Variants in PCCA observed in about 807,000 individuals in gnomAD.
PCCA encodes the protein propionyl-CoA carboxylase alpha chain, mitochondrial.
PCCA carries 74 observed loss-of-function variants against 101.3 expected under a neutral mutation model. The ratio of observed to expected loss-of-function variants is 0.73; its 90% CI spans 0.61 to 0.89. The LOEUF is 0.89. Among genes scored for constraint, PCCA ranks in the 40% least tolerant of loss-of-function variants. The pLI is 0.00. For missense variants in PCCA, 891 were observed against 907.0 expected (o/e 0.98, Z 0.23); for synonymous variants, 294 against 313.6 (o/e 0.94, Z 0.66).
At chr13:100,460,218 G>T (rs990838155) in intron 21 of PCCA, among the ~76,000 whole-genome samples, 2 of 152,154 alleles carry the variant, frequency 1.3e-5, no homozygotes, top group African/African-American at 2.4e-5. Context: ...CAAAGAAATC[G>T]AAGAGAGCTG....
In PCCA at chr13:100,307,174, T is replaced by C. The variant is rs2066516460; in HGVS notation, c.1285-18T>C. The C allele has an allele frequency of 6.3e-7, 1 of 1,590,740 alleles. No homozygotes were observed. The highest frequency in any genetic ancestry group is 8.6e-7 in the Non-Finnish European group (1 of 1,161,988). ...ACACAATATGAATTACTTTTCTTTTTTTCTTTTTTTCTCCCAGGTCCGAGT... is the reference window on the plus strand; with the variant it reads ...ACACAATATGAATTACTTTTCTTTTCTTCTTTTTTTCTCCCAGGTCCGAGT... On this transcript the variant is annotated intron_variant, in intron 14 of 23. Coordinates refer to ENST00000376285, the MANE Select transcript of PCCA (RefSeq NM_000282.4).
chr13:100,214,739 G>T (rs138731819), intron 7 of PCCA, among the ~76,000 whole-genome samples: 1 of 152,002 alleles, frequency 6.6e-6, no homozygotes, highest in Admixed American at 6.6e-5. Flanking sequence ...AGTTTTCATT[G>T]TAGAGACCTT....
intron 20 of PCCA, among the ~76,000 whole-genome samples, chr13:100,440,922 C>A (rs544533889): frequency 6.6e-6 from 1 of 152,232 alleles, no homozygotes; most frequent in South Asian, 2.1e-4. Flanking sequence ...ACCAGTAGAA[C>A]AGAAATAACT....
chr13:100,525,764 G>A (rs892026896), intron 22 of PCCA, among the ~76,000 whole-genome samples: 1 of 152,214 alleles, frequency 6.6e-6, no homozygotes, highest in Non-Finnish European at 1.5e-5. Context: ...TACTTGGCGG[G>A]GGGACGGGGC....
At chr13:100,247,206 C>A (rs1274862759) in intron 8 of PCCA, among the ~76,000 whole-genome samples, 2 of 146,042 alleles carry the variant, frequency 1.4e-5, no homozygotes, top group Non-Finnish European at 3.0e-5. Flanking sequence ...CTGCGCCCAG[C>A]CTGTGTGGGT....
intron 6 of PCCA, among the ~76,000 whole-genome samples, chr13:100,207,292 T>G (rs2058918335): frequency 6.6e-6 from 1 of 152,226 alleles, no homozygotes. Context: ...TTTGTTTTGC[T>G]TTTGGGTAGG....
chr13:100,089,344 C>T (rs2046057828), intron 1 of PCCA, 119 bp downstream of exon 1: 1 of 1,266,212 alleles, frequency 7.9e-7, no homozygotes, highest in Non-Finnish European at 1.0e-6. Context: ...GCCCCGGTTC[C>T]GCATCAGCTA....
rs868002286 is a variant in PCCA at position 100,264,038 on chromosome 13, C to T, written c.819+1207C>T. Reference sequence around the variant, plus strand: ...ACGGTATCTGTATATCGTATATATACGGTATCTGTATATCGTATATATACG... The same window carrying T: ...ACGGTATCTGTATATCGTATATATATGGTATCTGTATATCGTATATATACG... On this transcript the variant is annotated intron_variant, in intron 10 of 23. Coordinates refer to ENST00000376285, the MANE Select transcript of PCCA (RefSeq NM_000282.4). Among the ~76,000 whole-genome samples the T allele has an allele frequency of 4.5e-3, 630 of 140,368 alleles. 10 individuals are homozygous for T. Among genetic ancestry groups the T allele is most frequent in the African/African-American group, 0.016 (602 of 37,932 alleles). 92.1% of individuals were successfully genotyped at this position (140,368 alleles called of 152,430 possible).
At chr13:100,351,526 A>AT (rs2073265805) in intron 18 of PCCA, among the ~76,000 whole-genome samples, 1 of 151,984 alleles carries the variant, frequency 6.6e-6, no homozygotes, top group Admixed American at 6.6e-5. Context: ...TGATTACTTG[A>AT]TTTTTCAGTA....
At chr13:100,440,739 C>G (rs74113905) in intron 20 of PCCA, among the ~76,000 whole-genome samples, 1 of 151,510 alleles carries the variant, frequency 6.6e-6, no homozygotes, top group South Asian at 2.1e-4. Context: ...TCTCTAGAAT[C>G]ATTGCATGTG....
At chr13:100,348,772 C>CT (rs869309353) in intron 18 of PCCA, among the ~76,000 whole-genome samples, 1 of 95,910 alleles carries the variant, frequency 1.0e-5, no homozygotes, top group African/African-American at 4.5e-5. Flanking sequence ...TTCTTTCTTT[C>CT]TTTCTTTCTT....
chr13:100,121,451 C>T (rs1340186658), intron 4 of PCCA, among the ~76,000 whole-genome samples: 3 of 143,608 alleles, frequency 2.1e-5, no homozygotes, highest in Non-Finnish European at 3.0e-5. Context: ...TGAGCCACTG[C>T]GTCTGGGCCT....
intron 17 of PCCA, among the ~76,000 whole-genome samples, chr13:100,332,268 A>G (rs759591836): frequency 6.6e-6 from 1 of 152,120 alleles, no homozygotes; most frequent in Non-Finnish European, 1.5e-5. Context: ...TCATTTATAC[A>G]TGTATCCAGA....
rs868000565 is a variant in PCCA, at chr13:100,284,313, A to G, written c.1065+10967A>G. 8.7e-4 allele frequency among the ~76,000 whole-genome samples: 132 copies of G among 151,794 alleles called. 1 individual carries two copies. The highest frequency in any genetic ancestry group is 2.9e-3 in the African/African-American group (119 of 41,182). On this transcript the variant is annotated intron_variant, in intron 12 of 23. Coordinates refer to ENST00000376285, the MANE Select transcript of PCCA (RefSeq NM_000282.4). ...GAGCTATTATCTACATGAATATGAG[A>G]AACAAGTTACCCATTTGTTGTCCCC...
At position 100,155,109 on chromosome 13, in the gene PCCA, C is replaced by G. The variant is rs1293310256; in HGVS notation, c.414+17C>G. 1.4e-6 allele frequency: 2 copies of G among 1,445,848 alleles called. No homozygotes were observed. Among genetic ancestry groups the G allele is most frequent in the Non-Finnish European group, 1.9e-6 (2 of 1,026,440 alleles). The allele number at this position is 1,445,848 out of a possible 1,614,324, so 89.6% of individuals were successfully genotyped here. A position where few individuals can be genotyped will look rare whatever the true frequency, so the allele number is the denominator to read the frequency against. On this transcript the variant is annotated intron_variant, in intron 5 of 23. Coordinates refer to ENST00000376285, the MANE Select transcript of PCCA (RefSeq NM_000282.4). ...GCCCAAGCTGTGAGTCTGAATGAAT[C>G]TATCTACTGCAGCTGTTTCATATGT...
At chr13:100,518,179 G>A (rs4772302) in intron 22 of PCCA, among the ~76,000 whole-genome samples, 45,385 of 151,970 alleles carry the variant, frequency 0.3, 7,331 homozygotes, top group East Asian at 0.57. Flanking sequence ...ACTTTTTATC[G>A]TTTAAATTCC....
chr13:100,229,076 ATT>A (rs555603818), intron 7 of PCCA, among the ~76,000 whole-genome samples: 83 of 147,258 alleles, frequency 5.6e-4, no homozygotes, highest in Non-Finnish European at 1.0e-3. Context: ...GTAGAATTTG[ATT>A]TTTTTTTTTT....
chr13:100,262,824 A>G lies in PCCA; in HGVS notation c.812A>G (p.Glu271Gly). 1.5e-6 allele frequency: 2 copies of G among 1,346,028 alleles called. No individual in the cohort carries two copies. The highest frequency in any genetic ancestry group is 1.2e-5 in the South Asian group (1 of 84,486). The allele number at this position is 1,346,028 out of a possible 1,614,324, so 83.4% of individuals were successfully genotyped here. A position where few individuals can be genotyped will look rare whatever the true frequency, so the allele number is the denominator to read the frequency against. The change falls in exon 10 of 24, where the codon GAA (glutamate) becomes GGA (glycine). Residue 271 changes from glutamate (E) to glycine (G), a missense_variant. Physicochemically the swap from Glu to Gly is moderately conservative, Grantham distance 98 (BLOSUM62 -2). Transcript: ENST00000376285. ...TTTATTGATAATCCTCGTCATATAG[A>G]AATCCAGGTTGGTACATTTAAGATG... Reference protein sequence around the residue: ...EKFIDNPRHIEIQVLGDKHGN... With the variant: ...EKFIDNPRHIGIQVLGDKHGN...
At chr13:100,261,305 GA>G (rs1217494920) in intron 9 of PCCA, among the ~76,000 whole-genome samples, 14 of 151,690 alleles carry the variant, frequency 9.2e-5, no homozygotes, top group African/African-American at 3.1e-4. Flanking sequence ...TCAATGGATA[GA>G]AGGCAATATA....
Sources: gnomAD v4.1 joint callset for allele counts (sites outside exome capture counted in the v4.1 genomes callset) on GRCh38, gnomAD v4.1.1 for gene constraint, MANE v1.5 for transcripts, NCBI Gene and HGNC (gene_info 2026-07-23, HGNC 2026-07-21) for gene names.